The following RTCA variants were observed in gnomAD, a reference collection of about 807,000 sequenced individuals.
The protein encoded by RTCA is RNA 3'-terminal phosphate cyclase.
In RTCA, 37 loss-of-function variants were observed where a neutral mutation model predicts 46.1. The observed-to-expected ratio is 0.80, with a 90% confidence interval of 0.62 to 1.06. RTCA has a LOEUF of 1.06. Among genes scored for constraint, RTCA ranks in the 50% least tolerant of loss-of-function variants. The pLI, the probability that RTCA is intolerant of heterozygous loss-of-function variation, is 0.00. For missense variants in RTCA, 435 were observed against 455.5 expected (o/e 0.95, Z 0.41); for synonymous variants, 164 against 158.3 (o/e 1.04, Z -0.27).
At chr1:100,287,225 G>A in intron 10 of RTCA, 22 bp downstream of exon 10, 2 of 1,492,428 alleles carry the variant, frequency 1.3e-6, no homozygotes, top group Non-Finnish European at 1.8e-6. Context: ...ATCAGAAAGG[G>A]AAATTGATAT....
intron 10 of RTCA, among the ~76,000 whole-genome samples, chr1:100,288,693 A>AG (rs746344255): frequency 1.3e-5 from 2 of 152,152 alleles, no homozygotes; most frequent in African/African-American, 2.4e-5. Flanking sequence ...GCCCAGCCCT[A>AG]GTCTTAAGCA....
chr1:100,277,041 T>C (rs531176593), intron 7 of RTCA, among the ~76,000 whole-genome samples: 1 of 152,348 alleles, frequency 6.6e-6, no homozygotes, highest in South Asian at 2.1e-4. Flanking sequence ...AATTAGAATC[T>C]GGTGTGACTT....
Position 100,266,576 on chromosome 1 carries a change from C to G in RTCA, c.98C>G (p.Pro33Arg), listed in dbSNP as rs943391590. 6.2e-7 allele frequency: 1 copy of G among 1,613,978 alleles called. No individual in the cohort carries two copies. Among genetic ancestry groups the G allele is most frequent in the African/African-American group, 1.3e-5 (1 of 75,072 alleles). ...GCCTTGAGCTGTCTCCTAGGCCTCC[C>G]CTTGCGGGTGCAGAAGATCCGAGCC... ...STALSCLLGL[P>R]LRVQKIRAGR... The change falls in exon 2 of 11, where the codon CCC (proline) becomes CGC (arginine). Residue 33 changes from proline (P) to arginine (R), a missense_variant. Pro to Arg is a moderately radical substitution (Grantham distance 103). Transcript: ENST00000370128.
At chr1:100,268,399 T>C (rs557382801) in intron 3 of RTCA, 104 bp downstream of exon 3, 2 of 976,480 alleles carry the variant, frequency 2.0e-6, no homozygotes, top group African/African-American at 1.7e-5. Context: ...TTCCCTACTT[T>C]TATGTTTTTT....
intron 7 of RTCA, among the ~76,000 whole-genome samples, chr1:100,276,364 A>G (rs1274489700): frequency 6.6e-6 from 1 of 152,162 alleles, no homozygotes; most frequent in Non-Finnish European, 1.5e-5. Flanking sequence ...TCACAAATAA[A>G]TATAGCAAAG....
chr1:100,279,585 G>A (rs1666576908), intron 8 of RTCA, among the ~76,000 whole-genome samples: 1 of 152,058 alleles, frequency 6.6e-6, no homozygotes. Context: ...CAACAGCCTG[G>A]CCAACATGGC....
At chr1:100,279,356 T>TTG (rs1459905004) in intron 8 of RTCA, among the ~76,000 whole-genome samples, 4 of 152,204 alleles carry the variant, frequency 2.6e-5, no homozygotes, top group Non-Finnish European at 5.9e-5. Context: ...AGGGAATCCT[T>TTG]CTGGGGACTG....
intron 10 of RTCA, among the ~76,000 whole-genome samples, chr1:100,290,833 T>C (rs969096995): frequency 6.6e-6 from 1 of 152,170 alleles, no homozygotes; most frequent in African/African-American, 2.4e-5. Context: ...CAACTTTAGT[T>C]ACTAAGTGAA....
chr1:100,275,046 G>T, intron 6 of RTCA, 81 bp downstream of exon 6: 2 of 1,355,254 alleles, frequency 1.5e-6, no homozygotes, highest in South Asian at 1.5e-5. Context: ...TGAAATTATT[G>T]AGAGAACTTA....
chr1:100,271,438 C>T (rs1452815352), intron 4 of RTCA, among the ~76,000 whole-genome samples: 2 of 152,028 alleles, frequency 1.3e-5, no homozygotes, highest in African/African-American at 2.4e-5. Flanking sequence ...GGCACTCCAT[C>T]CTGGGTGATA....
At chr1:100,266,446 G>A in intron 1 of RTCA, 26 bp downstream of exon 1, 1 of 1,609,096 alleles carries the variant, frequency 6.2e-7, no homozygotes, top group South Asian at 1.1e-5. Flanking sequence ...AGCGGCCGGG[G>A]CTGCAGCCTA....
intron 5 of RTCA, among the ~76,000 whole-genome samples, chr1:100,273,984 T>G (rs1666239539): frequency 6.6e-6 from 1 of 152,256 alleles, no homozygotes; most frequent in Non-Finnish European, 1.5e-5. Context: ...GTGTTATGTA[T>G]TCTAACAATA....
intron 8 of RTCA, chr1:100,281,348 A>G (rs1455309340): frequency 1.9e-6 from 1 of 529,038 alleles, no homozygotes; most frequent in Non-Finnish European, 3.9e-6. Context: ...GAGAGTGAGA[A>G]GACCTAAATT....
chr1:100,285,828 C>T (rs1057145937), intron 9 of RTCA, among the ~76,000 whole-genome samples: 38 of 152,132 alleles, frequency 2.5e-4, no homozygotes, highest in Admixed American at 3.3e-4. Context: ...GAGACGAGGT[C>T]TCAGTATGTT....
intron 4 of RTCA, among the ~76,000 whole-genome samples, chr1:100,272,420 T>C (rs1003158079): frequency 1.3e-5 from 2 of 152,108 alleles, no homozygotes; most frequent in Non-Finnish European, 2.9e-5. Flanking sequence ...AGACCCCATC[T>C]CTAAAATAAA....
rs192293290 is a variant in RTCA at position 100,276,990 on chromosome 1, T to A, written c.741-268T>A. Among the ~76,000 whole-genome samples the A allele has an allele frequency of 1.2e-3, 179 of 152,342 alleles. 1 individual carries two copies. The highest frequency in any genetic ancestry group is 2.3e-3 in the Non-Finnish European group (159 of 68,024). ...GGTACCACTTAGTGCTAATGACATG[T>A]TAACTTGTTGGGGGGCATGGTAGAC... On this transcript the variant is annotated intron_variant, in intron 7 of 10. Coordinates refer to ENST00000370128, the MANE Select transcript of RTCA (RefSeq NM_003729.4).
intron 3 of RTCA, 118 bp downstream of exon 3, chr1:100,268,413 T>TC: frequency 1.1e-6 from 1 of 881,210 alleles, no homozygotes; most frequent in African/African-American, 1.7e-5. Flanking sequence ...GTTTTTTTTT[T>TC]TTGAGACAAG....
intron 2 of RTCA, 148 bp from the exon 3 acceptor site, chr1:100,268,004 C>A: frequency 3.4e-6 from 4 of 1,181,454 alleles, no homozygotes; most frequent in Admixed American, 2.8e-5. Flanking sequence ...CATAAAAACC[C>A]AAAAGGAAGC....
In RTCA at chr1:100,268,288, A is replaced by G; in HGVS notation, c.283A>G (p.Thr95Ala). 6.2e-7 allele frequency: 1 copy of G among 1,610,868 alleles called. No individual in the cohort carries two copies. Among genetic ancestry groups the G allele is most frequent in the Admixed American group, 1.7e-5 (1 of 59,348 alleles). Residue 95 changes from threonine (T) to alanine (A), a missense_variant, in exon 3 of 11, where the codon ACA (threonine) becomes GCA (alanine). Coordinates refer to ENST00000370128, the MANE Select transcript of RTCA (RefSeq NM_003729.4). ...TGGAATCCACACAGCAGATACCAAG[A>G]CAGCAGGGTATGTATCACTTAACAT... ...KGGIHTADTK[T>A]AGSVCLLMQV...
Sources: allele counts gnomAD v4.1 joint callset (sites outside exome capture counted in the v4.1 genomes callset), GRCh38; gene constraint gnomAD v4.1.1; transcripts MANE v1.5; gene names NCBI Gene and HGNC (gene_info 2026-07-23, HGNC 2026-07-21).